Variants in LGSN observed in about 807,000 individuals in gnomAD.
LGSN encodes the protein lengsin, lens protein with glutamine synthetase domain, also known as lengsin.
LGSN carries 21 observed loss-of-function variants against 19.5 expected under a neutral mutation model. The ratio of observed to expected loss-of-function variants is 1.07; its 90% CI spans 0.76 to 1.55. LGSN has a LOEUF of 1.55. Among genes scored for constraint, LGSN ranks in the 40% most tolerant of loss-of-function variants. The pLI, the probability that LGSN is intolerant of heterozygous loss-of-function variation, is 0.00. For missense variants in LGSN, 673 were observed against 608.5 expected (o/e 1.11, Z -1.12); for synonymous variants, 257 against 215.6 (o/e 1.19, Z -1.68).
At chr6:63,511,953 GA>G in the LGSN span, among the ~76,000 whole-genome samples, 1 of 152,114 alleles carries the variant, frequency 6.6e-6, no homozygotes, top group African/African-American at 2.4e-5. Context: ...GATGCAGATT[GA>G]AAAAATTAAA....
chr6:63,480,953 A>G, the LGSN span, among the ~76,000 whole-genome samples: 1 of 36,244 alleles, frequency 2.8e-5, no homozygotes, highest in Non-Finnish European at 5.7e-5. Context: ...ATATATATAT[A>G]TATATATATA....
the LGSN span, chr6:63,549,182 C>T: frequency 1.5e-6 from 1 of 688,498 alleles, no homozygotes; most frequent in Non-Finnish European, 2.6e-6. Flanking sequence ...TCTGTTTCTT[C>T]TCTTGCTTAG....
At chr6:63,392,554 A>T in the LGSN span, 1 of 152,404 alleles carries the variant, frequency 6.6e-6, no homozygotes, top group East Asian at 1.9e-4. Flanking sequence ...GCAGCCAGGA[A>T]CAGGTGGGTG....
At chr6:63,462,598 G>C in the LGSN span, among the ~76,000 whole-genome samples, 3 of 152,184 alleles carry the variant, frequency 2.0e-5, no homozygotes, top group Non-Finnish European at 4.4e-5. Context: ...TCGCACCACT[G>C]CACAAAACAA....
At chr6:63,530,833 G>A in the LGSN span, among the ~76,000 whole-genome samples, 2 of 151,980 alleles carry the variant, frequency 1.3e-5, no homozygotes, top group East Asian at 1.9e-4. Flanking sequence ...ATTTAATAAA[G>A]TAGTACCTTA....
intron 2 of LGSN, among the ~76,000 whole-genome samples, chr6:63,287,389 G>A (rs1356258551): frequency 6.6e-6 from 1 of 152,086 alleles, no homozygotes; most frequent in Non-Finnish European, 1.5e-5. Flanking sequence ...AAATGTATAG[G>A]CATTTTAAAA....
chr6:63,494,242 G>A, the LGSN span, among the ~76,000 whole-genome samples: 20 of 151,958 alleles, frequency 1.3e-4, no homozygotes, highest in Non-Finnish European at 1.5e-5. Flanking sequence ...GAACCACCAC[G>A]CCCAGCCAGA....
the LGSN span, among the ~76,000 whole-genome samples, chr6:63,432,881 C>T: frequency 6.6e-6 from 1 of 152,052 alleles, no homozygotes; most frequent in Non-Finnish European, 1.5e-5. Flanking sequence ...AATGACATTC[C>T]AGGAGTTGTA....
At chr6:63,393,683 C>T in the LGSN span, among the ~76,000 whole-genome samples, 1 of 152,320 alleles carries the variant, frequency 6.6e-6, no homozygotes, top group African/African-American at 2.4e-5. Context: ...GGCCCATCCA[C>T]TGCTGGCAGG....
the LGSN span, among the ~76,000 whole-genome samples, chr6:63,523,602 A>G: frequency 1.3e-5 from 2 of 152,248 alleles, no homozygotes; most frequent in Non-Finnish European, 2.9e-5. Context: ...TCAATCTACT[A>G]TAAGCCCACT....
chr6:63,418,646 A>T, the LGSN span, among the ~76,000 whole-genome samples: 4 of 152,190 alleles, frequency 2.6e-5, no homozygotes, highest in Admixed American at 6.5e-5. Context: ...GAACCTCAGG[A>T]CTCAAGGGGA....
At chr6:63,299,369 A>C (rs1270359885) in intron 1 of LGSN, among the ~76,000 whole-genome samples, 1 of 152,142 alleles carries the variant, frequency 6.6e-6, no homozygotes, top group East Asian at 1.9e-4. Flanking sequence ...GTCTCCTCTA[A>C]AGTACCTTTT....
chr6:63,347,209 G>C, the LGSN span, among the ~76,000 whole-genome samples: 1 of 152,062 alleles, frequency 6.6e-6, no homozygotes, highest in East Asian at 1.9e-4. Context: ...GAGTAGGAGA[G>C]GGAAAAACAA....
intron 2 of LGSN, among the ~76,000 whole-genome samples, chr6:63,290,506 G>A (rs1767723798): frequency 6.6e-6 from 1 of 152,196 alleles, no homozygotes; most frequent in Admixed American, 6.5e-5. Flanking sequence ...ATAGTGGACA[G>A]CACTTCACTA....
chr6:63,529,185 A>G, the LGSN span, among the ~76,000 whole-genome samples: 595 of 147,050 alleles, frequency 4.0e-3, 9 homozygotes, highest in African/African-American at 0.014. Flanking sequence ...ATGTATATAT[A>G]TGTGTGTATA....
At chr6:63,548,742 G>T in the LGSN span, 1 of 680,544 alleles carries the variant, frequency 1.5e-6, no homozygotes, top group Non-Finnish European at 2.6e-6. Flanking sequence ...TTGAGCCTTT[G>T]CCTTTTCGAG....
the LGSN span, among the ~76,000 whole-genome samples, chr6:63,383,697 A>G: frequency 6.6e-6 from 1 of 152,198 alleles, no homozygotes; most frequent in Admixed American, 6.6e-5. Flanking sequence ...ACACTATAAT[A>G]GTTTCTAATA....
chr6:63,389,845 A>G, the LGSN span, among the ~76,000 whole-genome samples: 1 of 152,134 alleles, frequency 6.6e-6, no homozygotes, highest in Non-Finnish European at 1.5e-5. Context: ...TTTTTACACT[A>G]AAAATAATTT....
At chr6:63,470,539 A>G in the LGSN span, among the ~76,000 whole-genome samples, 1 of 152,048 alleles carries the variant, frequency 6.6e-6, no homozygotes, top group South Asian at 2.1e-4. Flanking sequence ...ATACATAAAT[A>G]TATATATTTT....
Sources: gnomAD v4.1 joint callset for allele counts (sites outside exome capture counted in the v4.1 genomes callset) on GRCh38, gnomAD v4.1.1 for gene constraint, MANE v1.5 for transcripts, NCBI Gene and HGNC (gene_info 2026-07-23, HGNC 2026-07-21) for gene names.